The following PTH2R variants were observed in gnomAD, a reference collection of about 807,000 sequenced individuals.
PTH2R encodes parathyroid hormone 2 receptor.
A neutral mutation model predicts 60.3 loss-of-function variants in PTH2R; 59 were observed. The ratio of observed to expected loss-of-function variants is 0.98; its 90% CI spans 0.79 to 1.22. The LOEUF is 1.22. Ranked by LOEUF, PTH2R falls within the 50% of genes most tolerant of loss-of-function variation. PTH2R has a pLI of 0.00. For synonymous variants in PTH2R, 256 were observed against 243.8 expected (o/e 1.05, Z -0.47); for missense variants, 749 against 682.6 (o/e 1.10, Z -1.08).
intron 9 of PTH2R, among the ~76,000 whole-genome samples, chr2:208,467,265 C>A (rs1702774759): frequency 1.3e-5 from 2 of 152,070 alleles, no homozygotes; most frequent in Non-Finnish European, 2.9e-5. Flanking sequence ...AGCAAGTTTT[C>A]TTTTCTTTTC....
intron 8 of PTH2R, among the ~76,000 whole-genome samples, chr2:208,451,592 G>C (rs185580122): frequency 1.3e-5 from 2 of 152,118 alleles, no homozygotes; most frequent in African/African-American, 4.8e-5. Flanking sequence ...TTTAACACAC[G>C]TGTGGTCTAC....
intron 9 of PTH2R, among the ~76,000 whole-genome samples, chr2:208,479,165 A>C (rs551342569): frequency 1.3e-5 from 2 of 151,934 alleles, no homozygotes; most frequent in South Asian, 4.2e-4. Flanking sequence ...CCTTGAACGT[A>C]TCTTCTCAGT....
intron 1 of PTH2R, among the ~76,000 whole-genome samples, chr2:208,387,260 A>G (rs951697084): frequency 1.3e-5 from 2 of 152,204 alleles, no homozygotes; most frequent in Non-Finnish European, 2.9e-5. Context: ...ATTTTGTTTT[A>G]CAGATAAGCT....
At chr2:208,433,199 A>G (rs1702006884) in intron 2 of PTH2R, among the ~76,000 whole-genome samples, 1 of 152,240 alleles carries the variant, frequency 6.6e-6, no homozygotes, top group African/African-American at 2.4e-5. Context: ...GATGTGAAGC[A>G]TGTAGATAAA....
intron 1 of PTH2R, among the ~76,000 whole-genome samples, chr2:208,393,983 C>A (rs1701158214): frequency 6.6e-6 from 1 of 152,270 alleles, no homozygotes; most frequent in South Asian, 2.1e-4. Context: ...TCCTCTGGAA[C>A]CTGCTTTAGC....
rs1221804920 is a variant in PTH2R at position 208,363,994 on chromosome 2, C to A, written c.-259+3757C>A. On this transcript the variant is annotated intron_variant, in intron 1 of 12. Transcript: ENST00000617735. ...TCTGTTGATAGTTTCTTTTGCTATG[C>A]AGAAGCTCTTTAGTTTAGTTAGGTA... 2.0e-5 allele frequency among the ~76,000 whole-genome samples: 3 copies of A among 152,252 alleles called. No individual in the cohort carries two copies. In the South Asian group the frequency reaches 6.2e-4, roughly 32 times the overall value.
chr2:208,444,923 A>C (rs1452720239), intron 7 of PTH2R, 36 bp downstream of exon 7: 1 of 1,581,754 alleles, frequency 6.3e-7, no homozygotes, highest in Non-Finnish European at 8.6e-7. Context: ...TTCAAACTGG[A>C]TGATGCATTT....
intron 8 of PTH2R, among the ~76,000 whole-genome samples, chr2:208,457,090 A>C (rs889458431): frequency 1.3e-5 from 2 of 152,222 alleles, no homozygotes; most frequent in African/African-American, 4.8e-5. Flanking sequence ...AGATATTACC[A>C]AATGTCAAAA....
At chr2:208,410,249 G>A (rs1161712492) in intron 1 of PTH2R, among the ~76,000 whole-genome samples, 1 of 152,170 alleles carries the variant, frequency 6.6e-6, no homozygotes, top group Non-Finnish European at 1.5e-5. Flanking sequence ...AATTATCACA[G>A]TAACTTTATG....
At chr2:208,389,915 A>G (rs1701075312) in intron 1 of PTH2R, among the ~76,000 whole-genome samples, 1 of 152,168 alleles carries the variant, frequency 6.6e-6, no homozygotes, top group African/African-American at 2.4e-5. Context: ...GTAAGCTGCT[A>G]CTATTAGCAA....
chr2:208,489,435 A>G (rs770658375), intron 11 of PTH2R, among the ~76,000 whole-genome samples: 1 of 152,164 alleles, frequency 6.6e-6, no homozygotes, highest in African/African-American at 2.4e-5. Flanking sequence ...TGTAACACCT[A>G]TAAGAATGAG....
chr2:208,442,545 C>A, intron 5 of PTH2R, 84 bp downstream of exon 5: 1 of 1,093,716 alleles, frequency 9.1e-7, no homozygotes, highest in South Asian at 1.3e-5. Flanking sequence ...ACAATATTTT[C>A]CAAATGTTTT....
At chr2:208,421,463 C>CT (rs1314874290) in intron 1 of PTH2R, among the ~76,000 whole-genome samples, 1 of 151,092 alleles carries the variant, frequency 6.6e-6, no homozygotes, top group African/African-American at 2.4e-5. Flanking sequence ...ACCTGTTTTT[C>CT]TTTTTTTATG....
intron 2 of PTH2R, among the ~76,000 whole-genome samples, chr2:208,433,025 G>T (rs1046838277): frequency 6.6e-6 from 1 of 152,098 alleles, no homozygotes. Context: ...ATCCAATCAA[G>T]TTGACCCTAA....
intron 1 of PTH2R, among the ~76,000 whole-genome samples, chr2:208,378,937 T>C (rs1700860641): frequency 6.6e-6 from 1 of 152,102 alleles, no homozygotes; most frequent in South Asian, 2.1e-4. Flanking sequence ...GTTGTGAAGA[T>C]TAGAGAAAGT....
chr2:208,430,911 T>C (rs12614048), intron 2 of PTH2R, among the ~76,000 whole-genome samples: 82,430 of 151,818 alleles, frequency 0.54, 24,799 homozygotes, highest in East Asian at 0.88. Flanking sequence ...TATTCTGCAG[T>C]TTCACTCTGT....
intron 1 of PTH2R, among the ~76,000 whole-genome samples, chr2:208,382,073 G>A (rs777206322): frequency 7.9e-5 from 12 of 152,076 alleles, no homozygotes; most frequent in Non-Finnish European, 1.6e-4. Flanking sequence ...GTTTGAGTCT[G>A]GCTTCTTCCA....
intron 1 of PTH2R, among the ~76,000 whole-genome samples, chr2:208,380,395 A>G (rs748942470): frequency 4.6e-5 from 7 of 152,090 alleles, no homozygotes; most frequent in Non-Finnish European, 1.0e-4. Flanking sequence ...GGGCTTTATA[A>G]AAACCCTGTA....
At position 208,369,217 on chromosome 2, in the gene PTH2R, C is replaced by G. The variant is rs1469135980; in HGVS notation, c.-259+8980C>G. 3.9e-5 allele frequency among the ~76,000 whole-genome samples: 6 copies of G among 152,024 alleles called. 1 individual carries two copies. Among genetic ancestry groups the G allele is most frequent in the African/African-American group, 1.5e-4 (6 of 41,310 alleles). On this transcript the variant is annotated intron_variant, in intron 1 of 12. Coordinates refer to the PTH2R transcript ENST00000617735. ...GCCAGGTGTTTCACAACCTGTTTTA[C>G]CCTCATAGCCTAACAGAAGCACATT...
Sources: gnomAD v4.1 joint callset for allele counts (sites outside exome capture counted in the v4.1 genomes callset) on GRCh38, gnomAD v4.1.1 for gene constraint, MANE v1.5 for transcripts, NCBI Gene and HGNC (gene_info 2026-07-23, HGNC 2026-07-21) for gene names.